TBL1X: variants seen among roughly 807,000 people sequenced by gnomAD.
TBL1X encodes the protein transducin beta like 1 X-linked.
TBL1X carries 10 observed loss-of-function variants against 50.7 expected under a neutral mutation model. The observed-to-expected ratio is 0.20, with a 90% CI of 0.12 to 0.33. The LOEUF (loss-of-function observed/expected upper bound fraction) is 0.33, where lower values mean the gene tolerates loss of function less well. TBL1X is among the 10% of genes least tolerant of loss of function. The pLI, the probability that TBL1X is intolerant of heterozygous loss-of-function variation, is 1.00. For missense variants in TBL1X, 340 were observed against 504.4 expected (o/e 0.67, Z 3.12); for synonymous variants, 190 against 214.7 (o/e 0.88, Z 1.01).
In TBL1X at chrX:9,705,082, G is replaced by C; in HGVS notation, c.1204G>C (p.Asp402His). Residue 402 changes from aspartate (D) to histidine (H), a missense_variant, in exon 13 of 18, where the codon GAC (aspartate) becomes CAC (histidine). Physicochemically the swap from Asp to His is moderately conservative, Grantham distance 81. This residue lies in a region of TBL1X where 170 missense variants were observed against 272.6 expected (regional missense o/e 0.62). Transcript: ENST00000645353. Reference protein sequence around the residue: ...MCIHVCRLGCDRPVKTFQGHT... With the variant: ...MCIHVCRLGCHRPVKTFQGHT... ...TATCCATGTGTGCAGGCTCGGCTGT[G>C]ACCGCCCAGTCAAAACCTTCCAGGG... The C allele has an allele frequency of 8.3e-7, 1 of 1,212,082 alleles. No individual in the cohort carries two copies. Among genetic ancestry groups the C allele is most frequent in the Non-Finnish European group, 1.1e-6 (1 of 895,622 alleles).
intron 2 of TBL1X, among the ~76,000 whole-genome samples, chrX:9,555,012 C>T (rs912584632): frequency 4.5e-5 from 5 of 111,887 alleles, no homozygotes; most frequent in Non-Finnish European, 5.6e-5. Flanking sequence ...TTATGTCTGG[C>T]CTCGTTCATT....
chrX:9,680,009 C>T (rs953905865), intron 5 of TBL1X, among the ~76,000 whole-genome samples: 1 of 111,927 alleles, frequency 8.9e-6, no homozygotes, highest in African/African-American at 3.3e-5. Context: ...AAGATCAAGA[C>T]GCCAGCAGAT....
chrX:9,626,553 T>C (rs775855762), intron 2 of TBL1X, among the ~76,000 whole-genome samples: 168 of 111,990 alleles, frequency 1.5e-3, no homozygotes, highest in Middle Eastern at 9.2e-3. Context: ...TGCTTCATCG[T>C]GGTAGAAGTG....
rs1466213937 is a variant in TBL1X, at chrX:9,565,133, G to A, written c.-131+63284G>A. Among the ~76,000 whole-genome samples the A allele has an allele frequency of 4.6e-5, 5 of 108,167 alleles. No individual in the cohort carries two copies. In the Admixed American group the frequency reaches 5.0e-4, roughly 11 times the overall value. The allele number at this position is 108,167 out of a possible 115,157, so 93.9% of individuals were successfully genotyped here. ...AAAATACAAAAAAAATTAGCCGGGC[G>A]TGGTGTTGGGCACCTGTAGTCCCAG... On this transcript the variant is annotated intron_variant, in intron 2 of 17. Coordinates refer to ENST00000645353, the MANE Select transcript of TBL1X (RefSeq NM_005647.4).
intron 2 of TBL1X, among the ~76,000 whole-genome samples, chrX:9,613,998 A>AG: frequency 9.2e-6 from 1 of 109,027 alleles, no homozygotes; most frequent in East Asian, 2.9e-4. Flanking sequence ...AAAAAAAAAA[A>AG]AAAAAGAAAA....
chrX:9,699,691 T>G (rs759907987), intron 12 of TBL1X, among the ~76,000 whole-genome samples: 2 of 111,618 alleles, frequency 1.8e-5, no homozygotes, highest in Non-Finnish European at 3.8e-5. Context: ...GGCACGATTG[T>G]GTTAGATGCA....
At chrX:9,526,654 C>G (rs567912061) in intron 2 of TBL1X, among the ~76,000 whole-genome samples, 1 of 112,224 alleles carries the variant, frequency 8.9e-6, no homozygotes, top group African/African-American at 3.2e-5. Flanking sequence ...AACTATTCAC[C>G]TCTGCAACTC....
chrX:9,601,269 A>G (rs1444449909), intron 2 of TBL1X, among the ~76,000 whole-genome samples: 1 of 110,988 alleles, frequency 9.0e-6, no homozygotes, highest in African/African-American at 3.3e-5. Context: ...CAGTGGCCCC[A>G]TGTGGTTTCC....
chrX:9,505,567 GACAC>G (rs2082021946), intron 2 of TBL1X, among the ~76,000 whole-genome samples: 1 of 111,412 alleles, frequency 9.0e-6, no homozygotes, highest in Admixed American at 9.6e-5. Context: ...TACATGCAGA[GACAC>G]ACACAGGCTC....
In TBL1X at chrX:9,709,872, G is replaced by A; in HGVS notation, c.1439+112G>A. ...TGAAGCCCTTCAGAGGAAGCAAAGC[G>A]GTAGCTCACTTTGAAGGGGCCAGGA... On this transcript the variant is annotated intron_variant, in intron 15 of 17. Coordinates refer to ENST00000645353, the MANE Select transcript of TBL1X (RefSeq NM_005647.4). The A allele has an allele frequency of 4.0e-6, 4 of 1,006,466 alleles. No individual in the cohort carries two copies. The South Asian group carries it at 7.0e-5, about 18-fold the overall frequency. The allele number at this position is 1,006,466 out of a possible 1,213,427, so 82.9% of individuals were successfully genotyped here. A position where few individuals can be genotyped will look rare whatever the true frequency, so the allele number is the denominator to read the frequency against.
intron 12 of TBL1X, among the ~76,000 whole-genome samples, chrX:9,700,504 G>T (rs1461329946): frequency 1.8e-5 from 2 of 112,013 alleles, no homozygotes; most frequent in African/African-American, 6.5e-5. Context: ...GATCTGGCTG[G>T]CCATGAGGTA....
chrX:9,555,067 A>C (rs1260406660), intron 2 of TBL1X, among the ~76,000 whole-genome samples: 4 of 111,374 alleles, frequency 3.6e-5, no homozygotes, highest in Non-Finnish European at 7.5e-5. Context: ...TTGATCCTTC[A>C]CTTTTTATTT....
At position 9,716,550 on chromosome X, in the gene TBL1X, C is replaced by A; in HGVS notation, c.*304C>A. 1 of 206,158 alleles carries A rather than the reference C, an allele frequency of 4.9e-6. No homozygotes were observed. Among genetic ancestry groups the A allele is most frequent in the Non-Finnish European group, 8.8e-6 (1 of 113,875 alleles). 17.0% of individuals were successfully genotyped at this position (206,158 alleles called of 1,213,427 possible). On this transcript the variant is annotated 3_prime_UTR_variant, in exon 18 of 18. Transcript: ENST00000645353. The stretch of plus-strand genomic sequence containing the variant: ...CGTGTGGATTGGTTTCCACCCGGAA[C>A]AGGCTCTGTGATGGCTGAATGGAAA...
chrX:9,468,172 T>C (rs2146919993), intron 1 of TBL1X, among the ~76,000 whole-genome samples: 1 of 112,419 alleles, frequency 8.9e-6, no homozygotes. Context: ...TCTAGGTTTG[T>C]TCTTGTCCGA....
rs1364208686 is a variant in TBL1X, at chrX:9,465,267, C to A, written c.-381C>A. ...CCACCGAAACTTTCCAGCGCCCGCG[C>A]TCTCTCCGGGACTCGGCGGCGGCGG... is the stretch of plus-strand genomic sequence containing the variant. On this transcript the variant is annotated 5_prime_UTR_variant, in exon 1 of 18. Transcript: ENST00000645353. 1 of 107,519 alleles carries A rather than the reference C, an allele frequency of 9.3e-6. No homozygotes were observed. The highest frequency in any genetic ancestry group is 2.0e-5 in the Non-Finnish European group (1 of 51,111). The allele number at this position is 107,519 out of a possible 1,213,427, so 8.9% of individuals were successfully genotyped here. A position where few individuals can be genotyped will look rare whatever the true frequency, so the allele number is the denominator to read the frequency against.
rs2083248281 is a variant in TBL1X at position 9,711,699 on chromosome X, A to G, written c.1528A>G (p.Ser510Gly). The G allele has an allele frequency of 8.3e-7, 1 of 1,209,864 alleles. No homozygotes were observed. The highest frequency in any genetic ancestry group is 1.1e-6 in the Non-Finnish European group (1 of 894,194). The change falls in exon 16 of 18, where the codon AGC (serine) becomes GGC (glycine). Residue 510 changes from serine (S) to glycine (G), a missense_variant. Ser to Gly is a moderately conservative substitution (Grantham distance 56). Around this residue, in one of 6 missense-constraint regions of TBL1X, gnomAD observed 170 missense variants for 272.6 expected, o/e 0.62. Transcript: ENST00000645353. The part of the protein sequence containing the change: ...TLTKHQEPVY[S>G]VAFSPDGKYL... ...CACGAAGCATCAGGAGCCTGTCTAT[A>G]GCGTAGCTTTCAGCCCTGATGGGAA... is the stretch of plus-strand genomic sequence containing the variant.
rs187506258 is a variant in TBL1X, at chrX:9,709,877, C to G, written c.1439+117C>G. 149 of 999,502 alleles carry G rather than the reference C, an allele frequency of 1.5e-4. No homozygotes were observed. In the African/African-American group the frequency reaches 2.4e-3, roughly 16 times the overall value. The allele number at this position is 999,502 out of a possible 1,213,427, so 82.4% of individuals were successfully genotyped here. On this transcript the variant is annotated intron_variant, in intron 15 of 17. Transcript: ENST00000645353. Reference sequence around the variant, plus strand: ...CCCTTCAGAGGAAGCAAAGCGGTAGCTCACTTTGAAGGGGCCAGGATAGAA... The same window carrying G: ...CCCTTCAGAGGAAGCAAAGCGGTAGGTCACTTTGAAGGGGCCAGGATAGAA...
At chrX:9,688,353 C>T (rs1455164945) in intron 7 of TBL1X, 78 bp downstream of exon 7, 7 of 869,825 alleles carry the variant, frequency 8.0e-6, no homozygotes, top group Non-Finnish European at 9.4e-6. Flanking sequence ...CGAATGCCTT[C>T]TTAAAAACCT....
At chrX:9,631,585 C>T (rs1488939513) in intron 2 of TBL1X, among the ~76,000 whole-genome samples, 2 of 112,262 alleles carry the variant, frequency 1.8e-5, no homozygotes, top group Non-Finnish European at 3.8e-5. Flanking sequence ...AGATATTTTA[C>T]TTCACATATA....
Sources: gnomAD v4.1 joint callset for allele counts (sites outside exome capture counted in the v4.1 genomes callset) on GRCh38, gnomAD v4.1.1 for gene constraint, gnomAD v4.1.1 regional missense constraint, MANE v1.5 for transcripts, NCBI Gene and HGNC (gene_info 2026-07-23, HGNC 2026-07-21) for gene names.